Variants in DDX39B observed in about 807,000 individuals in gnomAD.
DDX39B encodes the protein spliceosome RNA helicase DDX39B.
In DDX39B, 6 loss-of-function variants were observed where a neutral mutation model predicts 46.4. That is an observed-to-expected ratio of 0.13 (90% CI 0.07 to 0.26). The LOEUF is 0.26. DDX39B is among the 10% of genes least tolerant of loss of function. DDX39B has a pLI of 1.00. For missense variants in DDX39B, 185 were observed against 553.4 expected (o/e 0.33, Z 6.68); for synonymous variants, 174 against 199.4 (o/e 0.87, Z 1.07).
In DDX39B at chr6:31,535,083, C is replaced by T. The variant is rs1255652650; in HGVS notation, c.735+284G>A. The T allele has an allele frequency of 2.3e-5, 11 of 479,642 alleles. No homozygotes were observed. The highest frequency in any genetic ancestry group is 6.7e-5 in the South Asian group (3 of 44,840). 29.7% of individuals were successfully genotyped at this position (479,642 alleles called of 1,614,324 possible). ...AGGGCAGAAAAATCCTGCCCTCCCC[C>T]AAAGGGAGAAGAGGTTCAAAAATGT... On this transcript the variant is annotated intron_variant, in intron 6 of 10. Coordinates refer to ENST00000396172, the MANE Select transcript of DDX39B (RefSeq NM_004640.7). This position sits in a 1 kb window ranked among gnomAD's most constrained non-coding sequence, Gnocchi z 4.6.
In DDX39B at chr6:31,531,520, T is replaced by G. The variant is rs1434700548; in HGVS notation, c.868-115A>C. On this transcript the variant is annotated intron_variant, in intron 7 of 10. Transcript: ENST00000396172. The surrounding 1 kb of genome is among the most constrained non-coding windows in gnomAD (Gnocchi z 5.8). ...GTAATTACGTTCTCAGGAATTCCTCTTCATTTCTCTTATTCCCCCACTATA... is the reference window on the plus strand; with the variant it reads ...GTAATTACGTTCTCAGGAATTCCTCGTCATTTCTCTTATTCCCCCACTATA... 2 of 795,516 alleles carry G rather than the reference T, an allele frequency of 2.5e-6. No homozygotes were observed. The highest frequency in any genetic ancestry group is 1.7e-5 in the African/African-American group (1 of 58,054). 49.3% of individuals were successfully genotyped at this position (795,516 alleles called of 1,614,324 possible). A position where few individuals can be genotyped will look rare whatever the true frequency, so the allele number is the denominator to read the frequency against.
At position 31,535,515 on chromosome 6, in the gene DDX39B, G is replaced by A. The variant is rs1562414003; in HGVS notation, c.617-30C>T. The A allele has an allele frequency of 6.4e-7, 1 of 1,571,260 alleles. No individual in the cohort carries two copies. The highest frequency in any genetic ancestry group is 8.7e-7 in the Non-Finnish European group (1 of 1,143,390). The stretch of plus-strand genomic sequence containing the variant: ...AAGAACAAGGAAAAAAATTGTAGGA[G>A]AAAATAAGCAGGTATGATAAACAAA... On this transcript the variant is annotated intron_variant, in intron 5 of 10. Transcript: ENST00000396172. The surrounding 1 kb of genome is among the most constrained non-coding windows in gnomAD (Gnocchi z 4.6).
rs774906190 is a variant in DDX39B at position 31,532,437 on chromosome 6, G to A, written c.867+343C>T. 8.4e-5 allele frequency: 17 copies of A among 201,234 alleles called. 1 individual carries two copies. Among genetic ancestry groups the A allele is most frequent in the East Asian group, 4.0e-4 (3 of 7,528 alleles). The allele number at this position is 201,234 out of a possible 1,614,324, so 12.5% of individuals were successfully genotyped here. A position where few individuals can be genotyped will look rare whatever the true frequency, so the allele number is the denominator to read the frequency against. ...TCTTCTTTGGTAGTGATGAAGTTTC[G>A]CCATGTTGCCCCGACTGGTCTCAAA... is the stretch of plus-strand genomic sequence containing the variant. On this transcript the variant is annotated intron_variant, in intron 7 of 10. Coordinates refer to ENST00000396172, the MANE Select transcript of DDX39B (RefSeq NM_004640.7).
intron 6 of DDX39B, 95 bp from the exon 7 acceptor site, chr6:31,533,006 T>C (rs1207369365): frequency 4.4e-6 from 2 of 456,462 alleles, no homozygotes; most frequent in South Asian, 1.7e-5. Context: ...ATACACCCCA[T>C]GGGGGGATGG....
intron 4 of DDX39B, 123 bp from the exon 5 acceptor site, chr6:31,536,806 G>A (rs1767831745): frequency 1.5e-6 from 2 of 1,291,634 alleles, no homozygotes; most frequent in African/African-American, 1.5e-5. Flanking sequence ...ACTAACTTTA[G>A]AGGGCACCTA....
rs1352767198 is a variant in DDX39B, at chr6:31,539,289, G to A, written c.212-15C>T. On this transcript the variant is annotated splice_polypyrimidine_tract_variant and intron_variant, in intron 2 of 10. Coordinates refer to ENST00000396172, the MANE Select transcript of DDX39B (RefSeq NM_004640.7). ...CTCATGCTGGACTAAAAGTTGGGGG[G>A]GGAGGAAGATAAATTAGACTTCAGT... is the stretch of plus-strand genomic sequence containing the variant. The A allele has an allele frequency of 3.2e-5, 51 of 1,606,990 alleles. No homozygotes were observed. The highest frequency in any genetic ancestry group is 4.3e-5 in the Non-Finnish European group (51 of 1,175,048).
intron 3 of DDX39B, 91 bp from the exon 4 acceptor site, chr6:31,538,946 C>G: frequency 6.7e-7 from 1 of 1,489,658 alleles, no homozygotes; most frequent in Non-Finnish European, 9.4e-7. Flanking sequence ...ACACCTGGGC[C>G]GATAATAAAT....
At chr6:31,541,700 T>A (rs145743375) in intron 1 of DDX39B, 1 of 540,316 alleles carries the variant, frequency 1.9e-6, no homozygotes, top group Non-Finnish European at 3.7e-6. Context: ...GAAGAACCCA[T>A]TGGAAGAAGG....
At position 31,531,439 on chromosome 6, in the gene DDX39B, G is replaced by T; in HGVS notation, c.868-34C>A. ...GGGTGGGGTGGGGGGTCGCAAATTG[G>T]GGGAATAGGGGTCCATGGTGTGTGA... On this transcript the variant is annotated intron_variant, in intron 7 of 10. Transcript: ENST00000396172. This position sits in a 1 kb window ranked among gnomAD's most constrained non-coding sequence, Gnocchi z 5.8. The T allele has an allele frequency of 1.3e-6, 2 of 1,589,838 alleles. No individual in the cohort carries two copies. Among genetic ancestry groups the T allele is most frequent in the East Asian group, 4.5e-5 (2 of 44,718 alleles).
chr6:31,535,463 T>G lies in DDX39B; in HGVS notation c.639A>C (p.Glu213Asp). 6.2e-7 allele frequency: 1 copy of G among 1,612,812 alleles called. No individual in the cohort carries two copies. The highest frequency in any genetic ancestry group is 8.5e-7 in the Non-Finnish European group (1 of 1,179,706). The part of the protein sequence containing the change: ...EQLDMRRDVQ[E>D]IFRMTPHEKQ... ...TCTCGTGGGGGGTCATGCGAAAAAT[T>G]TCCTGGACATCCCGACGCATGTCTA... The change falls in exon 6 of 11, where the codon GAA becomes GAC. Residue 213 changes from glutamate (E) to aspartate (D), a missense_variant. Physicochemically the swap from Glu to Asp is conservative, Grantham distance 45. Transcript: ENST00000396172. The surrounding 1 kb of genome is among the most constrained non-coding windows in gnomAD (Gnocchi z 4.6).
Position 31,535,289 on chromosome 6 carries a change from G to A in DDX39B, c.735+78C>T, listed in dbSNP as rs780158898. The stretch of plus-strand genomic sequence containing the variant: ...CCTTCTTGGCACTTGAATGACAAGG[G>A]AGTCTGAGGAAGAGGGCGAGGAAGG... On this transcript the variant is annotated intron_variant, in intron 6 of 10. Coordinates refer to ENST00000396172, the MANE Select transcript of DDX39B (RefSeq NM_004640.7). This position sits in a 1 kb window ranked among gnomAD's most constrained non-coding sequence, Gnocchi z 4.6. 4 of 1,372,100 alleles carry A rather than the reference G, an allele frequency of 2.9e-6. No individual in the cohort carries two copies. The highest frequency in any genetic ancestry group is 1.2e-5 in the South Asian group (1 of 86,154). 85.0% of individuals were successfully genotyped at this position (1,372,100 alleles called of 1,614,324 possible). A position where few individuals can be genotyped will look rare whatever the true frequency, so the allele number is the denominator to read the frequency against.
At position 31,535,186 on chromosome 6, in the gene DDX39B, G is replaced by A. The variant is rs1257739803; in HGVS notation, c.735+181C>T. The A allele has an allele frequency of 1.2e-5, 8 of 653,562 alleles. No individual in the cohort carries two copies. The Admixed American group carries it at 1.6e-4, about 13-fold the overall frequency. 40.5% of individuals were successfully genotyped at this position (653,562 alleles called of 1,614,324 possible). ...GTCTTCCGGAGTTTCCCTGGCACCC[G>A]CGCAGGCCCTAACACTAGCTGTCTC... is the stretch of plus-strand genomic sequence containing the variant. On this transcript the variant is annotated intron_variant, in intron 6 of 10. Coordinates refer to ENST00000396172, the MANE Select transcript of DDX39B (RefSeq NM_004640.7). The surrounding 1 kb of genome is among the most constrained non-coding windows in gnomAD (Gnocchi z 4.6).
At chr6:31,532,488 C>T (rs920549079) in intron 7 of DDX39B, 1 of 297,114 alleles carries the variant, frequency 3.4e-6, no homozygotes, top group Non-Finnish European at 6.5e-6. Context: ...GATCCACCTC[C>T]CTCAGCCTCC....
rs1226165150 is a variant in DDX39B, at chr6:31,530,293, G to A, written c.*141C>T. On this transcript the variant is annotated 3_prime_UTR_variant, in exon 11 of 11. Transcript: ENST00000396172. The surrounding 1 kb of genome is among the most constrained non-coding windows in gnomAD (Gnocchi z 4.5). ...AAATTCTGACAAATCAGAAATGGGGGTTCAGGAGTGGTGGTGATGCAAAAG... is the reference window on the plus strand; with the variant it reads ...AAATTCTGACAAATCAGAAATGGGGATTCAGGAGTGGTGGTGATGCAAAAG... 4.8e-6 allele frequency: 5 copies of A among 1,032,274 alleles called. No homozygotes were observed. The highest frequency in any genetic ancestry group is 5.6e-6 in the Non-Finnish European group (4 of 713,218). The allele number at this position is 1,032,274 out of a possible 1,614,324, so 63.9% of individuals were successfully genotyped here. A position where few individuals can be genotyped will look rare whatever the true frequency, so the allele number is the denominator to read the frequency against.
At position 31,536,485 on chromosome 6, in the gene DDX39B, A is replaced by G; in HGVS notation, c.616+15T>C. On this transcript the variant is annotated intron_variant, in intron 5 of 10. Coordinates refer to ENST00000396172, the MANE Select transcript of DDX39B (RefSeq NM_004640.7). Reference sequence around the variant, plus strand: ...AACTCCCCAGCATTAGCCAAGCCCCAGCACTGCCACTCACCGAGCTGTTCA... The same window carrying G: ...AACTCCCCAGCATTAGCCAAGCCCCGGCACTGCCACTCACCGAGCTGTTCA... The G allele has an allele frequency of 6.2e-7, 1 of 1,613,204 alleles. No homozygotes were observed. Among genetic ancestry groups the G allele is most frequent in the Non-Finnish European group, 8.5e-7 (1 of 1,180,024 alleles).
intron 5 of DDX39B, among the ~76,000 whole-genome samples, chr6:31,536,166 G>A (rs1394349523): frequency 1.3e-5 from 2 of 152,102 alleles, no homozygotes; most frequent in South Asian, 2.1e-4. Flanking sequence ...ATGCCAGAAG[G>A]GTACTGTCTT....
At chr6:31,541,264 G>C in intron 1 of DDX39B, 1 of 523,026 alleles carries the variant, frequency 1.9e-6, no homozygotes, top group Non-Finnish European at 3.9e-6. Flanking sequence ...TAATTAGCAT[G>C]GGGGGGAGGG....
chr6:31,540,386 G>A lies in DDX39B; in HGVS notation c.147C>T (p.Asp49=). The part of the protein sequence containing the change: ...YVSIHSSGFR[D]FLLKPELLRA... Reference sequence around the variant, plus strand: ...GGAGCAACTCTGGCTTGAGCAGGAAGTCACGAAAGCCAGAGCTGTGGATGG... The same window carrying A: ...GGAGCAACTCTGGCTTGAGCAGGAAATCACGAAAGCCAGAGCTGTGGATGG... The change falls in exon 2 of 11, where the codon GAC becomes GAT. Residue 49 remains aspartate, a synonymous_variant. Transcript: ENST00000396172. 3 of 1,614,244 alleles carry A rather than the reference G, an allele frequency of 1.9e-6. No individual in the cohort carries two copies. Among genetic ancestry groups the A allele is most frequent in the Non-Finnish European group, 2.5e-6 (3 of 1,180,044 alleles).
Position 31,535,573 on chromosome 6 carries a change from T to TTGC in DDX39B, c.617-91_617-89dup. 1 of 982,202 alleles carries TTGC rather than the reference T, an allele frequency of 1.0e-6. No homozygotes were observed. Among genetic ancestry groups the TTGC allele is most frequent in the Non-Finnish European group, 1.6e-6 (1 of 634,068 alleles). 60.8% of individuals were successfully genotyped at this position (982,202 alleles called of 1,614,324 possible). A position where few individuals can be genotyped will look rare whatever the true frequency, so the allele number is the denominator to read the frequency against. On this transcript the variant is annotated intron_variant, in intron 5 of 10. Transcript: ENST00000396172. The surrounding 1 kb of genome is among the most constrained non-coding windows in gnomAD (Gnocchi z 4.6). ...GGTAGACTTCCCAGTGAGGTGAAGA[T>TTGC]TGCTGGAAATAGTAACAACACAATG...
Sources: allele counts gnomAD v4.1 joint callset (sites outside exome capture counted in the v4.1 genomes callset), GRCh38; gene constraint gnomAD v4.1.1; non-coding constraint Gnocchi (gnomAD v3.1); transcripts MANE v1.5; gene names NCBI Gene and HGNC (gene_info 2026-07-23, HGNC 2026-07-21).